SORCS3: variants seen among roughly 807,000 people sequenced by gnomAD.
SORCS3 encodes sortilin related VPS10 domain containing receptor 3.
In SORCS3, 57 loss-of-function variants were observed where a neutral mutation model predicts 146.3. That is an observed-to-expected ratio of 0.39 (90% confidence interval 0.31 to 0.49). The LOEUF is 0.49. SORCS3 is among the 20% of genes least tolerant of loss of function. SORCS3 has a pLI of 0.92. For synonymous variants in SORCS3, 653 were observed against 618.5 expected (o/e 1.06, Z -0.83); for missense variants, 1,341 against 1,575.5 (o/e 0.85, Z 2.52).
chr10:104,958,991 G>A (rs971291370), intron 3 of SORCS3, among the ~76,000 whole-genome samples: 2 of 152,178 alleles, frequency 1.3e-5, no homozygotes, highest in South Asian at 2.1e-4. Context: ...CCATGAACAC[G>A]TGGGGATTAC....
chr10:104,651,126 CA>C (rs1278866128), intron 1 of SORCS3, among the ~76,000 whole-genome samples: 1 of 152,112 alleles, frequency 6.6e-6, no homozygotes, highest in Non-Finnish European at 1.5e-5. Flanking sequence ...ACTTGTTTTC[CA>C]GAGTGGTGGT....
chr10:104,681,614 A>G (rs987837166), intron 1 of SORCS3, among the ~76,000 whole-genome samples: 3 of 152,114 alleles, frequency 2.0e-5, no homozygotes, highest in Non-Finnish European at 4.4e-5. Context: ...TTCTTTCTCC[A>G]TCACTAGGGG....
chr10:105,122,755 G>T (rs1472980646), intron 7 of SORCS3, among the ~76,000 whole-genome samples: 1 of 152,190 alleles, frequency 6.6e-6, no homozygotes, highest in Non-Finnish European at 1.5e-5. Context: ...GCGTGAGGGA[G>T]ATCTACAATT....
intron 3 of SORCS3, among the ~76,000 whole-genome samples, chr10:104,940,238 ATT>A (rs1186082602): frequency 0.01 from 329 of 31,376 alleles, 1 homozygote; most frequent in Middle Eastern, 0.045. Flanking sequence ...ATATATATAT[ATT>A]TTTTTTTTTT....
At chr10:104,778,731 C>A (rs1215248117) in intron 1 of SORCS3, among the ~76,000 whole-genome samples, 1 of 152,198 alleles carries the variant, frequency 6.6e-6, no homozygotes, top group South Asian at 2.1e-4. Flanking sequence ...CTTAGCTTCA[C>A]AGCAACCTTG....
chr10:104,820,442 A>G (rs968471757), intron 1 of SORCS3, among the ~76,000 whole-genome samples: 1 of 152,208 alleles, frequency 6.6e-6, no homozygotes, highest in Non-Finnish European at 1.5e-5. Flanking sequence ...CTATGTATCA[A>G]GTAGGGTTTT....
intron 1 of SORCS3, among the ~76,000 whole-genome samples, chr10:104,780,507 T>C (rs947847245): frequency 6.6e-5 from 10 of 152,206 alleles, no homozygotes; most frequent in African/African-American, 2.4e-4. Context: ...GACCCCTTGG[T>C]AGCTGTTCAC....
At chr10:105,037,885 GT>G (rs2055316560) in intron 4 of SORCS3, among the ~76,000 whole-genome samples, 1 of 152,132 alleles carries the variant, frequency 6.6e-6, no homozygotes, top group African/African-American at 2.4e-5. Context: ...TGTTCTTCCT[GT>G]GGAATATTCT....
At chr10:104,940,230 ATATATATATTTTTTTT>A (rs1239784240) in intron 3 of SORCS3, among the ~76,000 whole-genome samples, 74 of 23,930 alleles carry the variant, frequency 3.1e-3, no homozygotes, top group South Asian at 0.028. Context: ...ATATATATAT[ATATATATATTTTTTTT>A]TTTTTTTTTA....
At chr10:105,077,206 G>A (rs773442666) in intron 5 of SORCS3, among the ~76,000 whole-genome samples, 8 of 152,080 alleles carry the variant, frequency 5.3e-5, no homozygotes, top group African/African-American at 1.9e-4. Context: ...TATCATGTAA[G>A]CAAAAGTTAC....
At chr10:105,142,430 T>C (rs1413004874) in intron 8 of SORCS3, among the ~76,000 whole-genome samples, 1 of 152,202 alleles carries the variant, frequency 6.6e-6, no homozygotes, top group African/African-American at 2.4e-5. Context: ...ATACGTGATT[T>C]GCTAAAATGT....
intron 4 of SORCS3, among the ~76,000 whole-genome samples, chr10:105,000,568 A>G (rs1181002657): frequency 6.6e-6 from 1 of 152,156 alleles, no homozygotes; most frequent in African/African-American, 2.4e-5. Context: ...TTTATCTACT[A>G]GGAATTCCGG....
At chr10:105,129,765 T>C (rs934604944) in intron 7 of SORCS3, among the ~76,000 whole-genome samples, 2 of 151,980 alleles carry the variant, frequency 1.3e-5, no homozygotes, top group Admixed American at 1.3e-4. Context: ...TTCCCCTCCA[T>C]CTAAATCATG....
At chr10:104,871,619 T>C (rs1190512901) in intron 2 of SORCS3, among the ~76,000 whole-genome samples, 1 of 152,250 alleles carries the variant, frequency 6.6e-6, no homozygotes, top group Non-Finnish European at 1.5e-5. Context: ...GTAATTATTC[T>C]TAGCGTGCCC....
intron 1 of SORCS3, among the ~76,000 whole-genome samples, chr10:104,719,081 A>G (rs1182110536): frequency 6.6e-6 from 1 of 152,162 alleles, no homozygotes; most frequent in African/African-American, 2.4e-5. Flanking sequence ...TAATTACTAT[A>G]AAAATATTAA....
rs761036571 is a variant in SORCS3 at position 104,915,964 on chromosome 10, T to G, written c.795+32T>G. ...GACTGGGTCAGTAGGTCCTGAGCAC[T>G]CCTGCTGGGTAGCTGTGCTGATTAG... On this transcript the variant is annotated intron_variant, in intron 3 of 26. Transcript: ENST00000369701. 3.9e-6 allele frequency: 6 copies of G among 1,522,540 alleles called. No individual in the cohort carries two copies. In the African/African-American group the frequency reaches 8.2e-5, roughly 21 times the overall value. The allele number at this position is 1,522,540 out of a possible 1,614,324, so 94.3% of individuals were successfully genotyped here.
At chr10:104,832,101 T>C (rs2018007024) in intron 1 of SORCS3, among the ~76,000 whole-genome samples, 1 of 152,218 alleles carries the variant, frequency 6.6e-6, no homozygotes, top group Non-Finnish European at 1.5e-5. Context: ...TTCTACCTCA[T>C]AGTGTGATAG....
intron 23 of SORCS3, among the ~76,000 whole-genome samples, chr10:105,255,112 C>T (rs1416978851): frequency 7.4e-6 from 1 of 135,968 alleles, no homozygotes. Flanking sequence ...GGCGTGAACC[C>T]GGGGGGGCGG....
intron 1 of SORCS3, among the ~76,000 whole-genome samples, chr10:104,645,323 C>G (rs192982985): frequency 7.2e-5 from 11 of 152,312 alleles, no homozygotes; most frequent in African/African-American, 2.6e-4. Flanking sequence ...AACAGAAAAA[C>G]ACATTATTCT....
Sources: allele counts gnomAD v4.1 joint callset (sites outside exome capture counted in the v4.1 genomes callset), GRCh38; gene constraint gnomAD v4.1.1; transcripts MANE v1.5; gene names NCBI Gene and HGNC (gene_info 2026-07-23, HGNC 2026-07-21).